Variants in KCNC4 observed in about 807,000 individuals in gnomAD.
KCNC4 encodes voltage-gated potassium channel KCNC4.
In KCNC4, 23 loss-of-function variants were observed where a neutral mutation model predicts 42.8. The ratio of observed to expected loss-of-function variants is 0.54; its 90% CI spans 0.39 to 0.76. The LOEUF (loss-of-function observed/expected upper bound fraction) is 0.76. Among genes scored for constraint, KCNC4 ranks in the 30% least tolerant of loss-of-function variants. The pLI is 0.00. For missense variants in KCNC4, 751 were observed against 898.2 expected (o/e 0.84, Z 2.10); for synonymous variants, 422 against 393.5 (o/e 1.07, Z -0.86).
exon 4 of KCNC4, chr1:110,240,896 C>T (rs1659020147): frequency 6.5e-6 from 1 of 152,796 alleles, no homozygotes; most frequent in Non-Finnish European, 1.5e-5. Context: ...CACAATCAGC[C>T]CCCTTCCAAC....
At position 110,211,907 on chromosome 1, in the gene KCNC4, C is replaced by T; in HGVS notation, c.408C>T (p.Asp136=). 6.2e-7 allele frequency: 1 copy of T among 1,611,636 alleles called. No homozygotes were observed. The highest frequency in any genetic ancestry group is 8.5e-7 in the Non-Finnish European group (1 of 1,179,808). ...AGGAGCTCACCTTCTGGGGCATCGA[C>T]GAGACCGACGTGGAACCCTGCTGCT... ...FEEELTFWGI[D]ETDVEPCCWM... is the part of the protein sequence containing the mutation. The change falls in exon 1 of 4, where the codon GAC becomes GAT. Residue 136 remains aspartate (D), a synonymous_variant. Transcript: ENST00000438661. The surrounding 1 kb of genome is among the most constrained non-coding windows in gnomAD (Gnocchi z 6.5).
At chr1:110,243,787 G>T (rs1470244315) in exon 4 of KCNC4, 1 of 152,224 alleles carries the variant, frequency 6.6e-6, no homozygotes, top group Non-Finnish European at 1.5e-5. Context: ...AACCGAACAG[G>T]CTGGAAATAG....
intron 1 of KCNC4, among the ~76,000 whole-genome samples, chr1:110,256,042 G>T (rs1009337215): frequency 6.6e-6 from 1 of 152,196 alleles, no homozygotes; most frequent in Non-Finnish European, 1.5e-5. Context: ...GCAGGAGGCT[G>T]GGGGAGGCCA....
chr1:110,231,656 C>G (rs1658700987), intron 3 of KCNC4, among the ~76,000 whole-genome samples: 1 of 152,152 alleles, frequency 6.6e-6, no homozygotes, highest in South Asian at 2.1e-4. Context: ...GCAGGTGTTG[C>G]TTAAGTTACG....
At chr1:110,268,061 C>T (rs1486921503) in intron 1 of KCNC4, among the ~76,000 whole-genome samples, 1 of 152,112 alleles carries the variant, frequency 6.6e-6, no homozygotes, top group African/African-American at 2.4e-5. Context: ...ATAACTTCCC[C>T]AGCTATTCCT....
intron 1 of KCNC4, among the ~76,000 whole-genome samples, chr1:110,217,606 C>T (rs1482755695): frequency 6.6e-6 from 1 of 152,172 alleles, no homozygotes; most frequent in Non-Finnish European, 1.5e-5. Flanking sequence ...GGTAGGGACT[C>T]ATCCGTTCTG....
Position 110,233,239 on chromosome 1 carries a change from T to C in KCNC4, c.*267T>C, listed in dbSNP as rs547112874. Reference sequence around the variant, plus strand: ...ACTCTTGTGTGTAGTGCACGTGCTATTGGTGGTTTGTCTTCTTTGTTAGGC... The same window carrying C: ...ACTCTTGTGTGTAGTGCACGTGCTACTGGTGGTTTGTCTTCTTTGTTAGGC... On this transcript the variant is annotated 3_prime_UTR_variant, in exon 4 of 4. Transcript: ENST00000438661. 1.8e-5 allele frequency: 10 copies of C among 561,488 alleles called. No individual in the cohort carries two copies. Among genetic ancestry groups the C allele is most frequent in the African/African-American group, 1.7e-4 (9 of 53,338 alleles). 34.8% of individuals were successfully genotyped at this position (561,488 alleles called of 1,614,324 possible). A position where few individuals can be genotyped will look rare whatever the true frequency, so the allele number is the denominator to read the frequency against.
chr1:110,270,297 AG>A (rs1464309328), intron 1 of KCNC4, among the ~76,000 whole-genome samples: 2 of 152,162 alleles, frequency 1.3e-5, no homozygotes, highest in Non-Finnish European at 1.5e-5. Flanking sequence ...GAGTGCAGAG[AG>A]GACCTTCCCC....
At chr1:110,215,387 GC>G (rs1341017584) in intron 1 of KCNC4, among the ~76,000 whole-genome samples, 1 of 152,192 alleles carries the variant, frequency 6.6e-6, no homozygotes. Flanking sequence ...GCCTCAGGGG[GC>G]CCAGTGGAGG....
At chr1:110,266,793 C>T (rs1659547119) in intron 1 of KCNC4, among the ~76,000 whole-genome samples, 1 of 152,160 alleles carries the variant, frequency 6.6e-6, no homozygotes, top group Non-Finnish European at 1.5e-5. Context: ...CCCCAAGGGA[C>T]CCGAATACCA....
chr1:110,256,959 A>G (rs1659343493), intron 1 of KCNC4: 1 of 154,740 alleles, frequency 6.5e-6, no homozygotes, highest in South Asian at 2.1e-4. Context: ...AGATGAAAAC[A>G]ACAAAGGATT....
chr1:110,276,707 G>C (rs1165232765), intron 1 of KCNC4, among the ~76,000 whole-genome samples: 1 of 152,110 alleles, frequency 6.6e-6, no homozygotes, highest in African/African-American at 2.4e-5. Flanking sequence ...TAGTCCTATA[G>C]GGCATCTAAA....
chr1:110,242,037 A>T (rs997587849), exon 4 of KCNC4: 1 of 152,066 alleles, frequency 6.6e-6, no homozygotes, highest in African/African-American at 2.4e-5. Context: ...TTGGGTTGTA[A>T]GATTTGTCCA....
intron 1 of KCNC4, among the ~76,000 whole-genome samples, chr1:110,266,789 G>A (rs1169921998): frequency 6.6e-6 from 1 of 152,108 alleles, no homozygotes; most frequent in Non-Finnish European, 1.5e-5. Flanking sequence ...TGTACCCCAA[G>A]GGACCCGAAT....
At chr1:110,260,516 A>G (rs1386536428) in intron 1 of KCNC4, among the ~76,000 whole-genome samples, 1 of 152,238 alleles carries the variant, frequency 6.6e-6, no homozygotes, top group Non-Finnish European at 1.5e-5. Context: ...CGGGTTGGAG[A>G]TAATATCAAT....
intron 1 of KCNC4, among the ~76,000 whole-genome samples, chr1:110,213,626 A>G (rs1441372242): frequency 1.3e-5 from 2 of 152,352 alleles, no homozygotes; most frequent in Non-Finnish European, 2.9e-5. Flanking sequence ...GAAGGCAGGG[A>G]TCTTTCTCAG....
chr1:110,251,426 C>T (rs1659249987), downstream of KCNC4, among the ~76,000 whole-genome samples: 1 of 152,184 alleles, frequency 6.6e-6, no homozygotes, highest in Non-Finnish European at 1.5e-5. Context: ...TCTCTCTTGC[C>T]TGCCGCCATG....
intron 1 of KCNC4, among the ~76,000 whole-genome samples, chr1:110,213,044 A>AG (rs1657580671): frequency 1.3e-5 from 2 of 152,008 alleles, no homozygotes; most frequent in Admixed American, 1.3e-4. Context: ...GTATGAGGGA[A>AG]GGGGGAAGCA....
chr1:110,270,012 T>A (rs1659610913), intron 1 of KCNC4, among the ~76,000 whole-genome samples: 1 of 152,156 alleles, frequency 6.6e-6, no homozygotes, highest in South Asian at 2.1e-4. Context: ...TATATCAGGG[T>A]AGGAGCTCAA....
Sources: gnomAD v4.1 joint callset for allele counts (sites outside exome capture counted in the v4.1 genomes callset) on GRCh38, gnomAD v4.1.1 for gene constraint, Gnocchi (gnomAD v3.1) non-coding constraint, MANE v1.5 for transcripts, NCBI Gene and HGNC (gene_info 2026-07-23, HGNC 2026-07-21) for gene names.